Variants in B4GALT5 observed in about 807,000 individuals in gnomAD.
B4GALT5 encodes UDP-Gal:beta-GlcNAc beta-1,4-galactosyltransferase 5.
A neutral mutation model predicts 45.0 loss-of-function variants in B4GALT5; 11 were observed. That is an observed-to-expected ratio of 0.24 (90% CI 0.15 to 0.40). The LOEUF (loss-of-function observed/expected upper bound fraction) is 0.40, where lower values mean the gene tolerates loss of function less well. Ranked by LOEUF, B4GALT5 falls within the 10% of genes least tolerant of loss-of-function variation. The pLI is 1.00. For missense variants in B4GALT5, 337 were observed against 500.2 expected (o/e 0.67, Z 3.11); for synonymous variants, 185 against 182.9 (o/e 1.01, Z -0.09).
chr20:49,697,575 CTTTT>C (rs11475400), intron 1 of B4GALT5, among the ~76,000 whole-genome samples: 1 of 143,624 alleles, frequency 7.0e-6, no homozygotes, highest in Non-Finnish European at 1.5e-5. Context: ...GGGACATGTC[CTTTT>C]TTTTTTTTTT....
At chr20:49,695,871 A>G (rs1221188741) in intron 1 of B4GALT5, among the ~76,000 whole-genome samples, 2 of 152,254 alleles carry the variant, frequency 1.3e-5, no homozygotes, top group African/African-American at 2.4e-5. Context: ...ATTGAGTTTC[A>G]ATCTAATCAT....
At chr20:49,656,792 T>C (rs1397666226) in intron 1 of B4GALT5, 90 bp from the exon 2 acceptor site, 11 of 1,555,214 alleles carry the variant, frequency 7.1e-6, no homozygotes, top group Non-Finnish European at 8.7e-6. Flanking sequence ...TTTTTTCTTT[T>C]TGGACTTTTA....
intron 1 of B4GALT5, among the ~76,000 whole-genome samples, chr20:49,701,627 T>C (rs2085862487): frequency 6.6e-6 from 1 of 152,020 alleles, no homozygotes; most frequent in African/African-American, 2.4e-5. Context: ...GAATAAAGCA[T>C]TACTAATTTT....
chr20:49,651,138 T>G (rs545974570), intron 2 of B4GALT5, among the ~76,000 whole-genome samples: 1 of 151,840 alleles, frequency 6.6e-6, no homozygotes, highest in African/African-American at 2.4e-5. Flanking sequence ...TACAAAAAAT[T>G]AGCCAGGCAC....
chr20:49,672,398 C>T (rs576695389), intron 1 of B4GALT5, among the ~76,000 whole-genome samples: 1 of 152,356 alleles, frequency 6.6e-6, no homozygotes, highest in South Asian at 2.1e-4. Context: ...GGCACACACA[C>T]TTAGCAAAAC....
rs761915077 is a variant in B4GALT5 at position 49,636,339 on chromosome 20, G to C, written c.1140C>G (p.Pro380=). 6 of 1,613,986 alleles carry C rather than the reference G, an allele frequency of 3.7e-6. No homozygotes were observed. Among genetic ancestry groups the C allele is most frequent in the East Asian group, 4.5e-5 (2 of 44,898 alleles). The part of the protein sequence containing the change: ...LYKNITVNLT[P]ELAQVNEY ...AGTACTCGTTCACCTGAGCCAGCTC[G>C]GGTGTCAGGTTGACAGTTATGTTTT... The change falls in exon 9 of 9, where the codon CCC becomes CCG. Residue 380 remains proline, a synonymous_variant. Transcript: ENST00000371711.
At chr20:49,642,623 C>T in intron 4 of B4GALT5, 39 bp from the exon 5 acceptor site, 1 of 1,452,290 alleles carries the variant, frequency 6.9e-7, no homozygotes, top group Non-Finnish European at 9.6e-7. Flanking sequence ...AGTTAGGACT[C>T]TCAGCTTTCA....
chr20:49,647,435 A>G (rs2085603713), intron 2 of B4GALT5, among the ~76,000 whole-genome samples: 1 of 152,188 alleles, frequency 6.6e-6, no homozygotes, highest in Non-Finnish European at 1.5e-5. Flanking sequence ...CAGCATTTAT[A>G]TGCAGTATTC....
rs141295544 is a variant in B4GALT5, at chr20:49,646,116, T to C, written c.364+849A>G. On this transcript the variant is annotated intron_variant, in intron 3 of 8. Transcript: ENST00000371711. Reference sequence around the variant, plus strand: ...CAGGAGGCTGAGGCAAGAGGGTTGCTTGAGCCCAGGAGTTCAAGGCTGCAG... The same window carrying C: ...CAGGAGGCTGAGGCAAGAGGGTTGCCTGAGCCCAGGAGTTCAAGGCTGCAG... Among the ~76,000 whole-genome samples the C allele has an allele frequency of 8.0e-4, 122 of 152,358 alleles. 2 individuals are homozygous for C. The highest frequency in any genetic ancestry group is 2.5e-3 in the African/African-American group (102 of 41,590).
At chr20:49,704,365 T>G (rs1164440028) in intron 1 of B4GALT5, among the ~76,000 whole-genome samples, 1 of 152,144 alleles carries the variant, frequency 6.6e-6, no homozygotes, top group Non-Finnish European at 1.5e-5. Flanking sequence ...CTACAACTTT[T>G]TAATAAAAAT....
At chr20:49,650,911 CCA>C (rs11470970) in intron 2 of B4GALT5, among the ~76,000 whole-genome samples, 2,437 of 152,230 alleles carry the variant, frequency 0.016, 37 homozygotes, top group East Asian at 0.082. Flanking sequence ...ATTTCTACAG[CCA>C]CAGTTTTACT....
intron 1 of B4GALT5, among the ~76,000 whole-genome samples, chr20:49,673,113 G>A (rs2085722754): frequency 1.3e-5 from 2 of 152,196 alleles, no homozygotes; most frequent in South Asian, 4.1e-4. Context: ...CAGGCGCAGT[G>A]GCTCACACCT....
chr20:49,707,903 C>T (rs2085891249), intron 1 of B4GALT5, among the ~76,000 whole-genome samples: 1 of 150,060 alleles, frequency 6.7e-6, no homozygotes, highest in Admixed American at 6.6e-5. Context: ...CATGAGCCAC[C>T]TTGCCCAGCC....
intron 4 of B4GALT5, among the ~76,000 whole-genome samples, chr20:49,643,169 C>T (rs1256300067): frequency 1.3e-5 from 2 of 152,178 alleles, no homozygotes; most frequent in Non-Finnish European, 2.9e-5. Context: ...GGTAACTTTG[C>T]TTTTTAATCC....
At chr20:49,646,865 A>T (rs890469067) in intron 3 of B4GALT5, 100 bp downstream of exon 3, 1 of 673,300 alleles carries the variant, frequency 1.5e-6, no homozygotes, top group Non-Finnish European at 2.4e-6. Context: ...AATGGCAGGG[A>T]GGTATTTATA....
intron 1 of B4GALT5, among the ~76,000 whole-genome samples, chr20:49,664,168 C>T (rs2031616589): frequency 6.6e-6 from 1 of 152,078 alleles, no homozygotes; most frequent in South Asian, 2.1e-4. Flanking sequence ...AAGATATTTA[C>T]TTCCTATATA....
Position 49,693,697 on chromosome 20 carries a change from T to C in B4GALT5, c.115+19879A>G, listed in dbSNP as rs560496711. 1.6e-3 allele frequency among the ~76,000 whole-genome samples: 244 copies of C among 152,272 alleles called. 1 individual carries two copies. Among genetic ancestry groups the C allele is most frequent in the Non-Finnish European group, 2.4e-3 (166 of 68,022 alleles). On this transcript the variant is annotated intron_variant, in intron 1 of 8. Coordinates refer to ENST00000371711, the MANE Select transcript of B4GALT5 (RefSeq NM_004776.4). The stretch of plus-strand genomic sequence containing the variant: ...CTTTCGCCACCACTTTTTAAGACAT[T>C]TTCCAAAAGCCTGCTGGCAGCAGTG...
chr20:49,690,959 A>T (rs1286175393), intron 1 of B4GALT5, among the ~76,000 whole-genome samples: 1 of 152,186 alleles, frequency 6.6e-6, no homozygotes, highest in East Asian at 1.9e-4. Flanking sequence ...CTCTACTGTG[A>T]ACTGTAGTTA....
chr20:49,705,637 A>G (rs1200464868), intron 1 of B4GALT5, among the ~76,000 whole-genome samples: 1 of 152,202 alleles, frequency 6.6e-6, no homozygotes, highest in Non-Finnish European at 1.5e-5. Flanking sequence ...GAACTTTAAA[A>G]GACAGTGTCT....
Sources: gnomAD v4.1 joint callset for allele counts (sites outside exome capture counted in the v4.1 genomes callset) on GRCh38, gnomAD v4.1.1 for gene constraint, MANE v1.5 for transcripts, NCBI Gene and HGNC (gene_info 2026-07-23, HGNC 2026-07-21) for gene names.